PTPRT: variants seen among roughly 807,000 people sequenced by gnomAD.
PTPRT encodes the protein protein tyrosine phosphatase receptor type T, also known as receptor-type tyrosine-protein phosphatase T.
PTPRT carries 56 observed loss-of-function variants against 176.8 expected under a neutral mutation model. The ratio of observed to expected loss-of-function variants is 0.32; its 90% CI spans 0.26 to 0.40. PTPRT has a LOEUF of 0.40. PTPRT is among the 10% of genes least tolerant of loss of function. The pLI is 1.00. For synonymous variants in PTPRT, 783 were observed against 739.0 expected (o/e 1.06, Z -0.96); for missense variants, 1,540 against 1,908.2 (o/e 0.81, Z 3.60).
Position 42,350,620 on chromosome 20 carries a change from A to G in PTPRT, c.1865+8T>C, listed in dbSNP as rs753091260. 6 of 1,587,090 alleles carry G rather than the reference A, an allele frequency of 3.8e-6. No homozygotes were observed. The South Asian group carries it at 5.5e-5, about 15-fold the overall frequency. On this transcript the variant is annotated splice_region_variant and intron_variant, in intron 11 of 30. Coordinates refer to ENST00000373187, the MANE Select transcript of PTPRT (RefSeq NM_007050.6). ...AACTGCAGACTCCAAGTGAAGAACCATCCTCACCTGACAGGAGCTCCCCGG... is the reference window on the plus strand; with the variant it reads ...AACTGCAGACTCCAAGTGAAGAACCGTCCTCACCTGACAGGAGCTCCCCGG...
intron 6 of PTPRT, among the ~76,000 whole-genome samples, chr20:42,703,069 G>A (rs538762191): frequency 1.6e-4 from 25 of 152,282 alleles, no homozygotes; most frequent in Non-Finnish European, 3.2e-4. Flanking sequence ...CCATAGTTTA[G>A]GGATGGACAC....
intron 15 of PTPRT, among the ~76,000 whole-genome samples, chr20:42,228,185 C>T (rs2056061126): frequency 6.6e-6 from 1 of 152,104 alleles, no homozygotes; most frequent in African/African-American, 2.4e-5. Context: ...GTACATTTTA[C>T]CTTTTTAAAA....
intron 2 of PTPRT, among the ~76,000 whole-genome samples, chr20:42,831,390 A>C (rs570133843): frequency 1.3e-5 from 2 of 152,228 alleles, no homozygotes; most frequent in South Asian, 4.1e-4. Context: ...AGATGAATTA[A>C]AGACTTAAAT....
intron 8 of PTPRT, among the ~76,000 whole-genome samples, chr20:42,459,684 G>A (rs1359419551): frequency 1.3e-5 from 2 of 152,160 alleles, no homozygotes; most frequent in African/African-American, 4.8e-5. Flanking sequence ...AATAAAGGGT[G>A]AAGAGGTTCT....
chr20:42,496,513 T>C (rs747608515), intron 7 of PTPRT, among the ~76,000 whole-genome samples: 19 of 152,164 alleles, frequency 1.2e-4, no homozygotes, highest in Non-Finnish European at 2.6e-4. Flanking sequence ...CCTCATCTTC[T>C]GGCACCAGTT....
At chr20:42,457,398 T>C (rs2070942550) in intron 8 of PTPRT, among the ~76,000 whole-genome samples, 1 of 152,234 alleles carries the variant, frequency 6.6e-6, no homozygotes, top group Non-Finnish European at 1.5e-5. Flanking sequence ...TTTTTTGTTT[T>C]GTTTTTAAAA....
chr20:42,677,126 T>A (rs904108255), intron 7 of PTPRT, among the ~76,000 whole-genome samples: 3 of 152,102 alleles, frequency 2.0e-5, no homozygotes, highest in Admixed American at 2.0e-4. Flanking sequence ...TCTTAGGGAC[T>A]AAGGTAGTTC....
At chr20:42,850,842 C>T (rs912855364) in intron 2 of PTPRT, among the ~76,000 whole-genome samples, 1 of 152,170 alleles carries the variant, frequency 6.6e-6, no homozygotes, top group Non-Finnish European at 1.5e-5. Context: ...CTTCAAAGAG[C>T]AGCCCTTGGA....
At chr20:43,025,777 CTG>C (rs1355145529) in intron 1 of PTPRT, among the ~76,000 whole-genome samples, 3 of 152,218 alleles carry the variant, frequency 2.0e-5, no homozygotes, top group African/African-American at 7.2e-5. Context: ...CTATTGGTAA[CTG>C]TCATGTCCAC....
intron 1 of PTPRT, among the ~76,000 whole-genome samples, chr20:43,078,390 G>C (rs556599899): frequency 6.6e-6 from 1 of 152,298 alleles, no homozygotes; most frequent in African/African-American, 2.4e-5. Context: ...ATAGATATTG[G>C]TGACCGAACA....
chr20:43,042,377 T>TGTAC (rs1986643507), intron 1 of PTPRT, among the ~76,000 whole-genome samples: 1 of 151,578 alleles, frequency 6.6e-6, no homozygotes, highest in African/African-American at 2.4e-5. Context: ...ACTTAGACAC[T>TGTAC]ATCATCTCCC....
intron 6 of PTPRT, among the ~76,000 whole-genome samples, chr20:42,737,661 C>A (rs1358917792): frequency 6.6e-6 from 1 of 151,576 alleles, no homozygotes; most frequent in South Asian, 2.1e-4. Context: ...AACAGATTCT[C>A]CCTCAGAGCT....
intron 1 of PTPRT, among the ~76,000 whole-genome samples, chr20:43,102,490 T>C (rs1156271525): frequency 6.6e-6 from 1 of 152,146 alleles, no homozygotes; most frequent in African/African-American, 2.4e-5. Flanking sequence ...ATGTAAAAAG[T>C]CAGAGAGAGA....
intron 1 of PTPRT, among the ~76,000 whole-genome samples, chr20:42,955,704 C>G (rs1981584117): frequency 1.3e-5 from 2 of 152,044 alleles, no homozygotes; most frequent in African/African-American, 4.8e-5. Context: ...TGACTTTGAT[C>G]CCCAGCCCAC....
At chr20:42,818,804 T>C (rs906950497) in intron 2 of PTPRT, among the ~76,000 whole-genome samples, 1 of 151,756 alleles carries the variant, frequency 6.6e-6, no homozygotes, top group Non-Finnish European at 1.5e-5. Context: ...GATATCAGAG[T>C]TTGAAGATCA....
At chr20:42,215,159 T>C (rs909299580) in intron 15 of PTPRT, among the ~76,000 whole-genome samples, 3 of 152,104 alleles carry the variant, frequency 2.0e-5, no homozygotes, top group Admixed American at 6.6e-5. Flanking sequence ...CAATGGGAGC[T>C]TCCCTGAATG....
chr20:42,839,507 T>A (rs1216388424), intron 2 of PTPRT, among the ~76,000 whole-genome samples: 1 of 152,154 alleles, frequency 6.6e-6, no homozygotes, highest in Admixed American at 6.5e-5. Flanking sequence ...AAAGCCAGGG[T>A]TTTATTTAAG....
intron 7 of PTPRT, among the ~76,000 whole-genome samples, chr20:42,480,924 T>C (rs1436595199): frequency 6.6e-6 from 1 of 152,070 alleles, no homozygotes; most frequent in Admixed American, 6.5e-5. Flanking sequence ...GCTCAAACAA[T>C]CTATTTCATA....
chr20:43,161,357 A>C (rs557439523), intron 1 of PTPRT, among the ~76,000 whole-genome samples: 57 of 152,194 alleles, frequency 3.7e-4, no homozygotes, highest in Non-Finnish European at 6.0e-4. Flanking sequence ...TGAAGGAGAA[A>C]GAGCTCTATG....
Sources: allele counts gnomAD v4.1 joint callset (sites outside exome capture counted in the v4.1 genomes callset), GRCh38; gene constraint gnomAD v4.1.1; transcripts MANE v1.5; gene names NCBI Gene and HGNC (gene_info 2026-07-23, HGNC 2026-07-21).